Variants in CDK14 observed in about 807,000 individuals in gnomAD.
CDK14 encodes the protein cyclin-dependent kinase 14.
A neutral mutation model predicts 60.7 loss-of-function variants in CDK14; 34 were observed. The ratio of observed to expected loss-of-function variants is 0.56; its 90% CI spans 0.43 to 0.75. The LOEUF is 0.75. Among genes scored for constraint, CDK14 ranks in the 30% least tolerant of loss-of-function variants. CDK14 has a pLI of 0.00. For synonymous variants in CDK14, 197 were observed against 203.7 expected (o/e 0.97, Z 0.28); for missense variants, 482 against 564.1 (o/e 0.85, Z 1.47).
At chr7:90,756,107 A>C (rs552119766) in intron 4 of CDK14, among the ~76,000 whole-genome samples, 3 of 152,288 alleles carry the variant, frequency 2.0e-5, no homozygotes, top group South Asian at 2.1e-4. Flanking sequence ...TCATTTTCCT[A>C]ATCAGTACAC....
chr7:91,076,118 C>A (rs1168056500), intron 11 of CDK14, among the ~76,000 whole-genome samples: 1 of 151,220 alleles, frequency 6.6e-6, no homozygotes. Context: ...GAAAAAAAAA[C>A]TACTTTAAAT....
At chr7:90,935,027 G>A (rs182143925) in intron 8 of CDK14, among the ~76,000 whole-genome samples, 194 of 152,352 alleles carry the variant, frequency 1.3e-3, no homozygotes, top group African/African-American at 4.2e-3. Flanking sequence ...TCCCCTGGAA[G>A]CTGACATGTC....
At chr7:91,081,271 G>GCAT (rs994950284) in intron 12 of CDK14, among the ~76,000 whole-genome samples, 1 of 152,116 alleles carries the variant, frequency 6.6e-6, no homozygotes, top group African/African-American at 2.4e-5. Flanking sequence ...CAGCATTTCA[G>GCAT]CATCTTTCAC....
Position 90,937,965 on chromosome 7 carries a change from A to G in CDK14, c.827-17732A>G, listed in dbSNP as rs1047862329. ...TTTCTGAAAGTATCCAATATATGAT[A>G]CTCTAAAAACCTACAAAGCGTAGCT... On this transcript the variant is annotated intron_variant, in intron 8 of 14. Transcript: ENST00000380050. 3.3e-5 allele frequency among the ~76,000 whole-genome samples: 5 copies of G among 152,224 alleles called. No individual in the cohort carries two copies. In the East Asian group the frequency reaches 9.6e-4, roughly 29 times the overall value.
rs1398218591 is a variant in CDK14 at position 90,729,163 on chromosome 7, TA to T, written c.369+2352del. ...AATCTCTGGCGGGACTAGGAAGGGA[TA>T]GGGGGCTGGCCGAGGGAGACTGGGG... On this transcript the variant is annotated intron_variant, in intron 3 of 14. Transcript: ENST00000380050. Among the ~76,000 whole-genome samples, 4 of 151,662 alleles carry T rather than the reference TA, an allele frequency of 2.6e-5. No homozygotes were observed. The East Asian group carries it at 5.8e-4, about 22-fold the overall frequency.
intron 14 of CDK14, among the ~76,000 whole-genome samples, chr7:91,148,249 G>A (rs1342967640): frequency 6.6e-6 from 1 of 152,034 alleles, no homozygotes; most frequent in Admixed American, 6.6e-5. Context: ...GTCCAGTGTG[G>A]TGGCATGTAC....
chr7:90,710,082 C>T (rs891293220), intron 2 of CDK14: 5 of 935,794 alleles, frequency 5.3e-6, no homozygotes, highest in Non-Finnish European at 6.4e-6. Context: ...ATTTTACTCA[C>T]TTCCTTCTAT....
intron 4 of CDK14, among the ~76,000 whole-genome samples, chr7:90,761,312 A>T (rs1052366067): frequency 2.0e-5 from 3 of 150,090 alleles, no homozygotes. Flanking sequence ...ATCTGGTGGA[A>T]ATGGAGGCAC....
chr7:90,811,570 G>A (rs1397138604), intron 5 of CDK14, among the ~76,000 whole-genome samples: 2 of 151,932 alleles, frequency 1.3e-5, no homozygotes, highest in Non-Finnish European at 2.9e-5. Flanking sequence ...AGGACTTCAT[G>A]TCTAAAACAC....
chr7:90,753,050 T>G (rs1803910936), intron 4 of CDK14, among the ~76,000 whole-genome samples: 1 of 152,114 alleles, frequency 6.6e-6, no homozygotes, highest in South Asian at 2.1e-4. Flanking sequence ...CATAGCCAAG[T>G]TCTACCAGAA....
intron 11 of CDK14, among the ~76,000 whole-genome samples, chr7:91,073,951 A>G (rs1285208373): frequency 6.6e-6 from 1 of 152,216 alleles, no homozygotes; most frequent in Non-Finnish European, 1.5e-5. Context: ...AAGAACAACT[A>G]ACTATCCAAA....
At chr7:90,830,692 A>G (rs570178435) in intron 5 of CDK14, among the ~76,000 whole-genome samples, 8 of 152,294 alleles carry the variant, frequency 5.3e-5, no homozygotes, top group Non-Finnish European at 7.4e-5. Context: ...CCTTTTAAAC[A>G]TAAGTTCCAA....
At chr7:91,161,319 G>T (rs1204063412) in intron 14 of CDK14, among the ~76,000 whole-genome samples, 2 of 152,160 alleles carry the variant, frequency 1.3e-5, no homozygotes, top group Non-Finnish European at 2.9e-5. Flanking sequence ...CAGAGAGTGG[G>T]TTTCTTAGAG....
chr7:90,852,269 T>A (rs1790671856), intron 5 of CDK14, among the ~76,000 whole-genome samples: 1 of 152,168 alleles, frequency 6.6e-6, no homozygotes, highest in Non-Finnish European at 1.5e-5. Flanking sequence ...ATGTCTTTAT[T>A]TTCAGAAAAA....
chr7:90,889,966 A>G (rs1792062912), intron 6 of CDK14, among the ~76,000 whole-genome samples: 1 of 152,184 alleles, frequency 6.6e-6, no homozygotes, highest in African/African-American at 2.4e-5. Flanking sequence ...CTGGTTCATG[A>G]ATGGCTTGTT....
intron 2 of CDK14, among the ~76,000 whole-genome samples, chr7:90,639,000 C>T (rs1458285712): frequency 6.6e-6 from 1 of 152,150 alleles, no homozygotes; most frequent in East Asian, 1.9e-4. Flanking sequence ...TTAAGCACTT[C>T]TCTGTATTGG....
chr7:91,064,861 T>C (rs965360154), intron 11 of CDK14, among the ~76,000 whole-genome samples: 1 of 152,176 alleles, frequency 6.6e-6, no homozygotes, highest in African/African-American at 2.4e-5. Flanking sequence ...AAATTTGTTC[T>C]TGTTTATGAA....
intron 10 of CDK14, among the ~76,000 whole-genome samples, chr7:91,006,241 T>A (rs1158059064): frequency 6.6e-6 from 1 of 152,238 alleles, no homozygotes; most frequent in Non-Finnish European, 1.5e-5. Flanking sequence ...TCTTAAAGAA[T>A]ATAAGTTTCC....
chr7:90,799,495 C>T (rs1450632993), intron 5 of CDK14, among the ~76,000 whole-genome samples: 1 of 151,846 alleles, frequency 6.6e-6, no homozygotes, highest in African/African-American at 2.4e-5. Flanking sequence ...TGAGACCAGC[C>T]TGTTCAACGT....
Sources: gnomAD v4.1 joint callset for allele counts (sites outside exome capture counted in the v4.1 genomes callset) on GRCh38, gnomAD v4.1.1 for gene constraint, MANE v1.5 for transcripts, NCBI Gene and HGNC (gene_info 2026-07-23, HGNC 2026-07-21) for gene names.